NDUFAF1: variants seen among roughly 807,000 people sequenced by gnomAD.
The protein encoded by NDUFAF1 is NADH:ubiquinone oxidoreductase complex assembly factor 1.
NDUFAF1 carries 18 observed loss-of-function variants against 28.7 expected under a neutral mutation model. That is an observed-to-expected ratio of 0.63 (90% CI 0.43 to 0.93). The LOEUF is 0.93. Among genes scored for constraint, NDUFAF1 ranks in the 40% least tolerant of loss-of-function variants. The probability of loss-of-function intolerance (pLI) is 0.00; values close to 1 mark genes in which losing one functional copy is unlikely to be tolerated. For synonymous variants in NDUFAF1, 113 were observed against 139.7 expected, an observed-to-expected ratio of 0.81 and a Z score of 1.35; for missense variants, 404 against 398.3, an observed-to-expected ratio of 1.01 and a Z score of -0.12.
rs933548216 is a variant in NDUFAF1 at position 41,388,756 on chromosome 15, CT to C, written c.760-235del. On this transcript the variant is annotated intron_variant, in intron 3 of 4. Transcript: ENST00000260361. ...AAAAAGACTAGTATCCTAAACACAG[CT>C]TTTTTTTTTTTTTCTTTCTGTGGAG... Among the ~76,000 whole-genome samples the C allele has an allele frequency of 2.1e-3, 295 of 141,348 alleles. 1 individual carries two copies. The highest frequency in any genetic ancestry group is 5.5e-3 in the East Asian group (27 of 4,880). The allele number at this position is 141,348 out of a possible 152,430, so 92.7% of individuals were successfully genotyped here.
intron 3 of NDUFAF1, among the ~76,000 whole-genome samples, chr15:41,391,019 ACT>A (rs953330055): frequency 2.0e-5 from 3 of 151,902 alleles, no homozygotes; most frequent in African/African-American, 7.3e-5. Context: ...ACAGTGCGAG[ACT>A]CTGTCTTACA....
At chr15:41,401,372 G>A (rs1326630146) in intron 1 of NDUFAF1, among the ~76,000 whole-genome samples, 1 of 147,848 alleles carries the variant, frequency 6.8e-6, no homozygotes, top group Non-Finnish European at 1.5e-5. Context: ...CCGGGTTCAA[G>A]TGCTTCTCCT....
rs556819961 is a variant in NDUFAF1, at chr15:41,397,062, T to A, written c.-3A>T. 2.4e-5 allele frequency: 39 copies of A among 1,612,890 alleles called. No homozygotes were observed. In the African/African-American group the frequency reaches 4.7e-4, roughly 19 times the overall value. ...AGCAATTTGTGAACCAAAGCCATGG[T>A]ACAAAAAAATCAAAATGTAAGTTTC... is the stretch of plus-strand genomic sequence containing the variant. On this transcript the variant is annotated 5_prime_UTR_variant, in exon 2 of 5. Coordinates refer to ENST00000260361, the MANE Select transcript of NDUFAF1 (RefSeq NM_016013.4).
chr15:41,387,677 G>T, intron 4 of NDUFAF1, 84 bp from the exon 5 acceptor site: 1 of 1,198,320 alleles, frequency 8.3e-7, no homozygotes, highest in Non-Finnish European at 1.2e-6. Context: ...CCCATCAGGT[G>T]ATGATTATAA....
At chr15:41,393,589 C>CT (rs551792777) in intron 3 of NDUFAF1, among the ~76,000 whole-genome samples, 84 of 135,466 alleles carry the variant, frequency 6.2e-4, no homozygotes, top group East Asian at 2.5e-3. Flanking sequence ...CGCGGCCGGC[C>CT]TTTTTTTTTT....
At chr15:41,390,574 A>C (rs150971070) in intron 3 of NDUFAF1, among the ~76,000 whole-genome samples, 2,565 of 151,654 alleles carry the variant, frequency 0.017, 82 homozygotes, top group African/African-American at 0.059. Flanking sequence ...AAATACAAAA[A>C]ATTAGCCAGG....
chr15:41,402,504 T>C (rs576371662), upstream of NDUFAF1: 32 of 335,714 alleles, frequency 9.5e-5, 1 homozygote, highest in East Asian at 2.3e-3. Context: ...TATAGGTCCA[T>C]CTGCTTTTCC....
intron 1 of NDUFAF1, among the ~76,000 whole-genome samples, chr15:41,398,504 G>T (rs540903852): frequency 2.0e-5 from 3 of 151,218 alleles, no homozygotes; most frequent in Admixed American, 1.3e-4. Flanking sequence ...AAAGAGACAG[G>T]GTCTCTTGCT....
In NDUFAF1 at chr15:41,397,139, A is replaced by C; in HGVS notation, c.-80T>G. 2 of 1,125,372 alleles carry C rather than the reference A, an allele frequency of 1.8e-6. No homozygotes were observed. The highest frequency in any genetic ancestry group is 2.6e-6 in the Non-Finnish European group (2 of 759,198). The allele number at this position is 1,125,372 out of a possible 1,614,324, so 69.7% of individuals were successfully genotyped here. A position where few individuals can be genotyped will look rare whatever the true frequency, so the allele number is the denominator to read the frequency against. On this transcript the variant is annotated splice_region_variant and 5_prime_UTR_variant, in exon 2 of 5. Transcript: ENST00000260361. Reference sequence around the variant, plus strand: ...AAGCTTCAGCAAATAGCCCAATTCTACCTATAACAGAAGAGACATTGAAGA... The same window carrying C: ...AAGCTTCAGCAAATAGCCCAATTCTCCCTATAACAGAAGAGACATTGAAGA...
chr15:41,396,842 G>T lies in NDUFAF1; in HGVS notation c.218C>A (p.Ser73Tyr). ...ACTAACATCAGGCTTCTCCTCAGAA[G>T]AAGTTATATCCAAAGCAACTTCTTT... is the stretch of plus-strand genomic sequence containing the variant. ...HQKEVALDIT[S>Y]SEEKPDVSFD... Residue 73 changes from serine (S) to tyrosine (Y), a missense_variant, in exon 2 of 5, where the codon TCT (serine) becomes TAT (tyrosine). By Grantham distance (144) the Ser-to-Tyr change is moderately radical. Coordinates refer to ENST00000260361, the MANE Select transcript of NDUFAF1 (RefSeq NM_016013.4). 1 of 1,614,114 alleles carries T rather than the reference G, an allele frequency of 6.2e-7. No individual in the cohort carries two copies. Among genetic ancestry groups the T allele is most frequent in the Non-Finnish European group, 8.5e-7 (1 of 1,180,020 alleles).
chr15:41,390,463 C>T (rs932797171), intron 3 of NDUFAF1, among the ~76,000 whole-genome samples: 3 of 152,134 alleles, frequency 2.0e-5, no homozygotes, highest in South Asian at 2.1e-4. Context: ...CGGTGGCTCA[C>T]GCCTGTAATC....
In NDUFAF1 at chr15:41,397,070, A is replaced by G; in HGVS notation, c.-11T>C. 1 of 1,612,826 alleles carries G rather than the reference A, an allele frequency of 6.2e-7. No individual in the cohort carries two copies. The highest frequency in any genetic ancestry group is 1.1e-5 in the South Asian group (1 of 90,954). ...GTGAACCAAAGCCATGGTACAAAAA[A>G]ATCAAAATGTAAGTTTCTTCCTGGG... On this transcript the variant is annotated 5_prime_UTR_variant, in exon 2 of 5. Coordinates refer to ENST00000260361, the MANE Select transcript of NDUFAF1 (RefSeq NM_016013.4).
In NDUFAF1 at chr15:41,397,089, T is replaced by A. The variant is rs1253501085; in HGVS notation, c.-30A>T. ...CAAAAAAATCAAAATGTAAGTTTCTTCCTGGGCTAGCAAGGGCCACCAAGA... is the reference window on the plus strand; with the variant it reads ...CAAAAAAATCAAAATGTAAGTTTCTACCTGGGCTAGCAAGGGCCACCAAGA... On this transcript the variant is annotated 5_prime_UTR_variant, in exon 2 of 5. Transcript: ENST00000260361. 2 of 1,606,122 alleles carry A rather than the reference T, an allele frequency of 1.2e-6. No individual in the cohort carries two copies. Among genetic ancestry groups the A allele is most frequent in the Admixed American group, 1.7e-5 (1 of 59,528 alleles).
chr15:41,402,079 G>A, intron 1 of NDUFAF1, 65 bp downstream of exon 1: 3 of 380,014 alleles, frequency 7.9e-6, no homozygotes, highest in Admixed American at 5.3e-5. Flanking sequence ...GTTGACGGTG[G>A]GTTTTGACAA....
intron 4 of NDUFAF1, 86 bp from the exon 5 acceptor site, chr15:41,387,679 T>G: frequency 8.8e-7 from 1 of 1,138,536 alleles, no homozygotes; most frequent in South Asian, 1.3e-5. Flanking sequence ...CATCAGGTGA[T>G]GATTATAACT....
chr15:41,397,460 G>T (rs2050405521), intron 1 of NDUFAF1, among the ~76,000 whole-genome samples: 1 of 152,042 alleles, frequency 6.6e-6, no homozygotes, highest in African/African-American at 2.4e-5. Flanking sequence ...GCCAGGCACG[G>T]TCCCAGCACT....
chr15:41,392,261 A>G (rs1371119365), intron 3 of NDUFAF1, among the ~76,000 whole-genome samples: 1 of 151,956 alleles, frequency 6.6e-6, no homozygotes, highest in South Asian at 2.1e-4. Flanking sequence ...TTTAGTAGAC[A>G]CAAGATTTCA....
chr15:41,396,361 T>G, intron 2 of NDUFAF1, 126 bp downstream of exon 2: 1 of 880,532 alleles, frequency 1.1e-6, no homozygotes, highest in Non-Finnish European at 1.8e-6. Context: ...CAGACACAGG[T>G]GAGGTGCCAA....
Position 41,397,064 on chromosome 15 carries a change from CAAA to C in NDUFAF1, c.-8_-6del, listed in dbSNP as rs1358664487. ...CAATTTGTGAACCAAAGCCATGGTACAAAAAAATCAAAATGTAAGTTTCTTCCT... is the reference window on the plus strand; with the variant it reads ...CAATTTGTGAACCAAAGCCATGGTACAAAATCAAAATGTAAGTTTCTTCCT... On this transcript the variant is annotated 5_prime_UTR_variant, in exon 2 of 5. Coordinates refer to ENST00000260361, the MANE Select transcript of NDUFAF1 (RefSeq NM_016013.4). 3 of 1,611,850 alleles carry C rather than the reference CAAA, an allele frequency of 1.9e-6. No homozygotes were observed. Among genetic ancestry groups the C allele is most frequent in the African/African-American group, 2.7e-5 (2 of 74,716 alleles).
Sources: allele counts gnomAD v4.1 joint callset (sites outside exome capture counted in the v4.1 genomes callset), GRCh38; gene constraint gnomAD v4.1.1; transcripts MANE v1.5; gene names NCBI Gene and HGNC (gene_info 2026-07-23, HGNC 2026-07-21).